KALRN: variants seen among roughly 807,000 people sequenced by gnomAD.
KALRN encodes the protein kalirin.
Under a neutral mutation model 353.7 loss-of-function variants are expected in KALRN, and 70 were observed. The ratio of observed to expected loss-of-function variants is 0.20; its 90% confidence interval spans 0.16 to 0.24. The LOEUF (loss-of-function observed/expected upper bound fraction) is 0.24. KALRN is among the 10% of genes least tolerant of loss of function. The pLI, the probability that KALRN is intolerant of heterozygous loss-of-function variation, is 1.00. For missense variants in KALRN, 2,791 were observed against 3,756.7 expected (o/e 0.74, Z 6.72); for synonymous variants, 1,391 against 1,434.8 (o/e 0.97, Z 0.69).
intron 3 of KALRN, 98 bp from the exon 4 acceptor site, chr3:124,264,400 T>C (rs1428601392): frequency 3.2e-6 from 3 of 947,020 alleles, no homozygotes; most frequent in Non-Finnish European, 4.8e-6. Context: ...AGAGTGATTC[T>C]GGTCAAGGGG....
rs368165599 is a variant in KALRN, at chr3:124,287,803, A to G, written c.970-10988A>G. On this transcript the variant is annotated intron_variant, in intron 5 of 59. Coordinates refer to ENST00000682506, the MANE Select transcript of KALRN (RefSeq NM_001388419.1). ...TATATATATATATATATATATATAT[A>G]TATATATATATATATATATATATGT... Among the ~76,000 whole-genome samples the G allele has an allele frequency of 2.0e-3, 42 of 20,732 alleles. 1 individual carries two copies. Among genetic ancestry groups the G allele is most frequent in the Admixed American group, 9.4e-4 (2 of 2,118 alleles). 13.6% of individuals were successfully genotyped at this position (20,732 alleles called of 152,430 possible).
intron 1 of KALRN, among the ~76,000 whole-genome samples, chr3:124,150,904 A>G (rs1383451447): frequency 6.6e-6 from 1 of 152,100 alleles, no homozygotes; most frequent in East Asian, 1.9e-4. Flanking sequence ...CTCTGTGGCA[A>G]CTCCCAGCAT....
At chr3:124,153,364 G>A (rs1198194310) in intron 1 of KALRN, among the ~76,000 whole-genome samples, 14 of 148,036 alleles carry the variant, frequency 9.5e-5, no homozygotes, top group African/African-American at 2.5e-4. Flanking sequence ...GAGAACATGC[G>A]GTGTTTCGTT....
intron 6 of KALRN, among the ~76,000 whole-genome samples, chr3:124,302,109 C>T (rs1348712056): frequency 6.6e-6 from 1 of 152,172 alleles, no homozygotes; most frequent in East Asian, 1.9e-4. Flanking sequence ...TCAACCTCCC[C>T]AACTTAAGGT....
chr3:124,304,280 T>C (rs1042466452), intron 6 of KALRN, among the ~76,000 whole-genome samples: 1 of 152,172 alleles, frequency 6.6e-6, no homozygotes, highest in Non-Finnish European at 1.5e-5. Flanking sequence ...CAGTAAGCAT[T>C]AGTCTTTTTA....
intron 9 of KALRN, among the ~76,000 whole-genome samples, chr3:124,341,329 G>A (rs1171332185): frequency 1.3e-5 from 2 of 152,218 alleles, no homozygotes; most frequent in African/African-American, 4.8e-5. Flanking sequence ...TTCCTGAATG[G>A]GGTGGCAAAA....
intron 10 of KALRN, among the ~76,000 whole-genome samples, chr3:124,348,445 G>T (rs143645713): frequency 6.6e-6 from 1 of 152,302 alleles, no homozygotes; most frequent in Non-Finnish European, 1.5e-5. Context: ...CTCTAGGGGA[G>T]CTGCAAGCAT....
intron 56 of KALRN, among the ~76,000 whole-genome samples, chr3:124,701,383 T>TC (rs1423255566): frequency 4.3e-5 from 6 of 140,398 alleles, no homozygotes; most frequent in Admixed American, 3.6e-4. Context: ...TTTCTTTCTT[T>TC]CTTTCTTTTT....
Position 124,161,903 on chromosome 3 carries a change from A to C in KALRN, c.74-66087A>C, listed in dbSNP as rs1920631. Reference sequence around the variant, plus strand: ...AACTCAGAAAGGGGTTGAAAGATAGATACCTTTTGGATTGAGAAATTGTTT... The same window carrying C: ...AACTCAGAAAGGGGTTGAAAGATAGCTACCTTTTGGATTGAGAAATTGTTT... On this transcript the variant is annotated intron_variant, in intron 1 of 59. Transcript: ENST00000682506. 2.5e-3 allele frequency among the ~76,000 whole-genome samples: 387 copies of C among 152,340 alleles called. 1 individual carries two copies. The highest frequency in any genetic ancestry group is 8.7e-3 in the African/African-American group (361 of 41,572).
intron 51 of KALRN, among the ~76,000 whole-genome samples, chr3:124,687,986 A>T (rs2061638748): frequency 6.6e-6 from 1 of 151,720 alleles, no homozygotes; most frequent in Non-Finnish European, 1.5e-5. Context: ...ACATTTTTTA[A>T]AATTACAGCT....
intron 23 of KALRN, among the ~76,000 whole-genome samples, chr3:124,460,436 T>A (rs1291489434): frequency 1.3e-5 from 2 of 152,162 alleles, no homozygotes; most frequent in Non-Finnish European, 2.9e-5. Context: ...AGGAAGCGGA[T>A]GAGAACAAAA....
Position 124,492,847 on chromosome 3 carries a change from C to T in KALRN, c.4797C>T (p.Pro1599=). The T allele has an allele frequency of 1.9e-6, 3 of 1,614,098 alleles. No individual in the cohort carries two copies. The highest frequency in any genetic ancestry group is 2.5e-6 in the Non-Finnish European group (3 of 1,179,986). ...KGALKEPLQL[P]KTPAKQRNNS... is the part of the protein sequence containing the mutation. ...CTTTAAAGGAGCCACTTCAGCTCCC[C>T]AAAACACCAGCCAAACAGAGGAACA... The change falls in exon 32 of 60, where the codon CCC becomes CCT. Residue 1599 remains proline, a synonymous_variant. Transcript: ENST00000682506.
Position 124,311,157 on chromosome 3 carries a change from T to C in KALRN, c.1092+12244T>C, listed in dbSNP as rs193156310. Among the ~76,000 whole-genome samples the C allele has an allele frequency of 2.2e-3, 309 of 141,652 alleles. 1 individual carries two copies. Among genetic ancestry groups the C allele is most frequent in the Admixed American group, 3.8e-3 (51 of 13,274 alleles). 92.9% of individuals were successfully genotyped at this position (141,652 alleles called of 152,430 possible). On this transcript the variant is annotated intron_variant, in intron 6 of 59. Coordinates refer to ENST00000682506, the MANE Select transcript of KALRN (RefSeq NM_001388419.1). Reference sequence around the variant, plus strand: ...TTCTTCCCCACTAGAATGCACTAGATTGGCTATAATCAAAAACTCTGGACA... The same window carrying C: ...TTCTTCCCCACTAGAATGCACTAGACTGGCTATAATCAAAAACTCTGGACA...
intron 1 of KALRN, among the ~76,000 whole-genome samples, chr3:124,125,277 A>G (rs1281946998): frequency 6.6e-6 from 1 of 152,228 alleles, no homozygotes; most frequent in Non-Finnish European, 1.5e-5. Context: ...AGATTTGCCC[A>G]TGGCTTCCTA....
At chr3:124,514,699 A>G (rs116290249) in intron 33 of KALRN, among the ~76,000 whole-genome samples, 1,969 of 152,296 alleles carry the variant, frequency 0.013, 50 homozygotes, top group African/African-American at 0.045. Context: ...TCTGATATCC[A>G]TTATGCACAC....
intron 1 of KALRN, chr3:124,152,553 T>A (rs28633349): frequency 1.1e-5 from 5 of 464,880 alleles, no homozygotes; most frequent in South Asian, 4.3e-5. Flanking sequence ...TTTCTTTTTC[T>A]TTTCTTTTCT....
intron 1 of KALRN, among the ~76,000 whole-genome samples, chr3:124,087,919 T>C (rs977404711): frequency 2.0e-5 from 3 of 152,190 alleles, no homozygotes; most frequent in African/African-American, 7.2e-5. Context: ...TCAAAATGTG[T>C]AAGATGAGTT....
At chr3:124,591,022 A>AAGGG (rs2075714197) in intron 34 of KALRN, among the ~76,000 whole-genome samples, 2 of 152,148 alleles carry the variant, frequency 1.3e-5, no homozygotes, top group African/African-American at 4.8e-5. Flanking sequence ...AAGGGTAGAG[A>AAGGG]TAGTACCCAA....
chr3:124,277,046 G>A (rs564831850), intron 5 of KALRN, among the ~76,000 whole-genome samples: 11 of 152,344 alleles, frequency 7.2e-5, no homozygotes, highest in East Asian at 5.8e-4. Context: ...ATGGTGGCAT[G>A]TGCCAGGAAC....
Sources: allele counts gnomAD v4.1 joint callset (sites outside exome capture counted in the v4.1 genomes callset), GRCh38; gene constraint gnomAD v4.1.1; transcripts MANE v1.5; gene names NCBI Gene and HGNC (gene_info 2026-07-23, HGNC 2026-07-21).